MARCHF1: variants seen among roughly 807,000 people sequenced by gnomAD.
MARCHF1 encodes the protein E3 ubiquitin-protein ligase MARCHF1.
MARCHF1 carries 40 observed loss-of-function variants against 54.2 expected under a neutral mutation model. The observed-to-expected ratio is 0.74, with a 90% CI of 0.57 to 0.96. MARCHF1 has a LOEUF of 0.96. Among genes scored for constraint, MARCHF1 ranks in the 40% least tolerant of loss-of-function variants. The pLI is 0.00. For synonymous variants in MARCHF1, 236 were observed against 236.3 expected (o/e 1.00, Z 0.01); for missense variants, 586 against 656.5 (o/e 0.89, Z 1.17).
intron 3 of MARCHF1, among the ~76,000 whole-genome samples, chr4:163,883,219 A>G (rs1236206275): frequency 1.4e-5 from 2 of 140,242 alleles, no homozygotes; most frequent in Non-Finnish European, 3.1e-5. Flanking sequence ...ACTATTTGAG[A>G]TATATATATA....
chr4:164,009,757 G>GA (rs1282272394), intron 2 of MARCHF1, among the ~76,000 whole-genome samples: 7 of 149,470 alleles, frequency 4.7e-5, no homozygotes, highest in Admixed American at 1.3e-4. Flanking sequence ...TAATGGTAAA[G>GA]AAAAAAAAAG....
intron 5 of MARCHF1, among the ~76,000 whole-genome samples, chr4:163,676,261 GC>G (rs1392684822): frequency 6.6e-6 from 1 of 151,510 alleles, no homozygotes; most frequent in African/African-American, 2.4e-5. Flanking sequence ...GGAGGCTGAG[GC>G]AGGAGAATCC....
At chr4:164,078,610 C>A (rs1032228570) in intron 2 of MARCHF1, among the ~76,000 whole-genome samples, 1 of 151,990 alleles carries the variant, frequency 6.6e-6, no homozygotes, top group African/African-American at 2.4e-5. Flanking sequence ...TATCAGTTAG[C>A]AGGAAACTAT....
At chr4:163,671,721 C>T (rs1341931798) in intron 5 of MARCHF1, among the ~76,000 whole-genome samples, 1 of 151,894 alleles carries the variant, frequency 6.6e-6, no homozygotes, top group Non-Finnish European at 1.5e-5. Flanking sequence ...ATTAAATTTG[C>T]AAAACTCTGA....
intron 1 of MARCHF1, among the ~76,000 whole-genome samples, chr4:164,120,800 C>A (rs1003780006): frequency 6.6e-6 from 1 of 151,862 alleles, no homozygotes; most frequent in Non-Finnish European, 1.5e-5. Flanking sequence ...GATGAAAACA[C>A]AACATACCAA....
intron 4 of MARCHF1, among the ~76,000 whole-genome samples, chr4:163,844,434 C>A (rs1037300814): frequency 3.3e-5 from 5 of 151,852 alleles, no homozygotes; most frequent in African/African-American, 1.2e-4. Flanking sequence ...TAATTTGCTC[C>A]CACTGAACAA....
At chr4:163,739,850 C>G (rs972845153) in intron 4 of MARCHF1, among the ~76,000 whole-genome samples, 3 of 152,122 alleles carry the variant, frequency 2.0e-5, no homozygotes, top group Non-Finnish European at 2.9e-5. Context: ...AAATCTTGTC[C>G]TATTGTAAAA....
rs1423232509 is a variant in MARCHF1, at chr4:163,591,836, G to A, written c.1011-5907C>T. Among the ~76,000 whole-genome samples the A allele has an allele frequency of 2.6e-5, 4 of 152,136 alleles. 1 individual carries two copies. Among genetic ancestry groups the A allele is most frequent in the African/African-American group, 9.7e-5 (4 of 41,446 alleles). On this transcript the variant is annotated intron_variant, in intron 7 of 9. Coordinates refer to ENST00000514618, the MANE Select transcript of MARCHF1 (RefSeq NM_001394959.1). The stretch of plus-strand genomic sequence containing the variant: ...TAATTTGCATTTGAGGAACTGAATT[G>A]AGGTGTAACAATTTTATACCCTATC...
intron 3 of MARCHF1, among the ~76,000 whole-genome samples, chr4:163,975,961 CAGTTTGAGCACAA>C (rs1268619195): frequency 5.3e-5 from 8 of 152,070 alleles, no homozygotes; most frequent in Admixed American, 1.3e-4. Flanking sequence ...GACTTGCCAC[CAGTTTGAGCACAA>C]AGCAATATTA....
At chr4:163,904,793 G>GAT (rs1388178534) in intron 3 of MARCHF1, among the ~76,000 whole-genome samples, 26 of 10,808 alleles carry the variant, frequency 2.4e-3, no homozygotes, top group African/African-American at 2.9e-3. Context: ...GAGAGAGAAA[G>GAT]AGAGAGAGAG....
chr4:164,000,914 T>C (rs1316141709), intron 2 of MARCHF1, among the ~76,000 whole-genome samples: 11 of 151,834 alleles, frequency 7.2e-5, no homozygotes. Flanking sequence ...CTGTTTAGAA[T>C]TTTTTAATTA....
At chr4:163,925,916 C>T (rs921230637) in intron 3 of MARCHF1, among the ~76,000 whole-genome samples, 1 of 151,576 alleles carries the variant, frequency 6.6e-6, no homozygotes, top group Non-Finnish European at 1.5e-5. Context: ...AATACTTGTC[C>T]AAAGTTTCTC....
intron 5 of MARCHF1, among the ~76,000 whole-genome samples, chr4:163,636,778 G>T (rs987259108): frequency 1.8e-3 from 274 of 152,146 alleles, no homozygotes; most frequent in Middle Eastern, 6.8e-3. Flanking sequence ...AAAAGAGCCT[G>T]CATTGCCAAG....
intron 4 of MARCHF1, among the ~76,000 whole-genome samples, chr4:163,727,779 C>T (rs915343032): frequency 1.3e-5 from 2 of 151,872 alleles, no homozygotes; most frequent in African/African-American, 4.8e-5. Flanking sequence ...CTCAAATGAT[C>T]CTCCCACTTC....
At chr4:164,329,707 C>T (rs1735376065) in intron 1 of MARCHF1, among the ~76,000 whole-genome samples, 2 of 152,162 alleles carry the variant, frequency 1.3e-5, no homozygotes, top group Admixed American at 6.5e-5. Context: ...GCAGGCACGT[C>T]ACACGGCAAA....
At chr4:163,937,015 C>G (rs1751811098) in intron 3 of MARCHF1, among the ~76,000 whole-genome samples, 1 of 152,146 alleles carries the variant, frequency 6.6e-6, no homozygotes, top group African/African-American at 2.4e-5. Context: ...AATGAAATCA[C>G]TCTCACCTTC....
chr4:163,800,359 G>A (rs910783600), intron 4 of MARCHF1, among the ~76,000 whole-genome samples: 3 of 151,592 alleles, frequency 2.0e-5, no homozygotes, highest in Non-Finnish European at 4.4e-5. Flanking sequence ...TAATTATAAC[G>A]AGTATCTTCC....
At chr4:164,291,306 T>C (rs533251576) in intron 1 of MARCHF1, among the ~76,000 whole-genome samples, 2 of 152,140 alleles carry the variant, frequency 1.3e-5, no homozygotes, top group South Asian at 4.1e-4. Context: ...CTACATGCAA[T>C]TAAAATCATT....
intron 5 of MARCHF1, among the ~76,000 whole-genome samples, chr4:163,654,186 T>A (rs1225260047): frequency 1.3e-5 from 2 of 151,714 alleles, no homozygotes; most frequent in African/African-American, 4.8e-5. Flanking sequence ...CAATGTGGGA[T>A]TCATTGTTCA....
Sources: gnomAD v4.1 joint callset for allele counts (sites outside exome capture counted in the v4.1 genomes callset) on GRCh38, gnomAD v4.1.1 for gene constraint, MANE v1.5 for transcripts, NCBI Gene and HGNC (gene_info 2026-07-23, HGNC 2026-07-21) for gene names.